The following PCGF3 variants were observed in gnomAD, a reference collection of about 807,000 sequenced individuals.
The protein encoded by PCGF3 is polycomb group RING finger protein 3.
A neutral mutation model predicts 33.1 loss-of-function variants in PCGF3; 7 were observed. That is an observed-to-expected ratio of 0.21 (90% CI 0.12 to 0.40). The LOEUF (loss-of-function observed/expected upper bound fraction) is 0.40, where lower values mean the gene tolerates loss of function less well. PCGF3 is among the 10% of genes least tolerant of loss of function. PCGF3 has a pLI of 1.00. For missense variants in PCGF3, 211 were observed against 313.3 expected, an observed-to-expected ratio of 0.67 and a Z score of 2.46; for synonymous variants, 153 against 121.3, an observed-to-expected ratio of 1.26 and a Z score of -1.72.
Position 737,459 on chromosome 4 carries a change from T to C in PCGF3, c.207-7T>C. 6.3e-7 allele frequency: 1 copy of C among 1,598,680 alleles called. No individual in the cohort carries two copies. Among genetic ancestry groups the C allele is most frequent in the Non-Finnish European group, 8.6e-7 (1 of 1,166,188 alleles). On this transcript the variant is annotated splice_region_variant and splice_polypyrimidine_tract_variant and intron_variant, in intron 5 of 10. Transcript: ENST00000362003. ...CAGCTAACTCCACCTTTCTGTTCTT[T>C]TGCCAGTCATGACAGAACCATGCAA...
intron 1 of PCGF3, among the ~76,000 whole-genome samples, chr4:715,237 T>A (rs1328744148): frequency 7.5e-6 from 1 of 132,516 alleles, no homozygotes; most frequent in Non-Finnish European, 1.6e-5. Context: ...CTGTAGACAC[T>A]GAGTGTGAGA....
intron 1 of PCGF3, among the ~76,000 whole-genome samples, chr4:708,624 A>G (rs1742435168): frequency 6.6e-6 from 1 of 151,866 alleles, no homozygotes; most frequent in Non-Finnish European, 1.5e-5. Flanking sequence ...GCACCCTCCC[A>G]CTCAGCCCCT....
intron 8 of PCGF3, among the ~76,000 whole-genome samples, chr4:756,331 G>A (rs1033124750): frequency 4.6e-5 from 7 of 151,094 alleles, no homozygotes; most frequent in Admixed American, 3.3e-4. Flanking sequence ...TCCCACCTCC[G>A]CCTCCTGAGT....
chr4:733,669 T>C lies in PCGF3; in HGVS notation c.-9-3T>C, dbSNP rs749974414. 9.4e-6 allele frequency: 15 copies of C among 1,598,280 alleles called. No homozygotes were observed. Among genetic ancestry groups the C allele is most frequent in the Admixed American group, 6.8e-5 (4 of 59,206 alleles). On this transcript the variant is annotated splice_region_variant and splice_polypyrimidine_tract_variant and intron_variant, in intron 3 of 10. Coordinates refer to ENST00000362003, the Ensembl canonical transcript of PCGF3. ...TGTTAATTAATCGCGTTTTCTCTTG[T>C]AGAAGCCAAAGATGTTGACCAGGAA... is the stretch of plus-strand genomic sequence containing the variant.
At chr4:717,728 A>G (rs572648651) in intron 1 of PCGF3, among the ~76,000 whole-genome samples, 100 of 152,370 alleles carry the variant, frequency 6.6e-4, no homozygotes, top group Non-Finnish European at 7.2e-4. Flanking sequence ...CTGAGATGAC[A>G]TTGAGAAGAG....
intron 1 of PCGF3, among the ~76,000 whole-genome samples, chr4:716,596 T>TGC (rs1471582510): frequency 7.6e-4 from 95 of 124,664 alleles, no homozygotes; most frequent in South Asian, 1.5e-3. Context: ...CTGTAGACAC[T>TGC]GAGTGTGAGA....
chr4:767,178 G>A (rs1317345557), exon 11 of PCGF3: 1 of 152,224 alleles, frequency 6.6e-6, no homozygotes, highest in Non-Finnish European at 1.5e-5. Flanking sequence ...GGGCTAGGAG[G>A]GAAGCCGGCC....
chr4:734,026 G>A (rs1271142219), intron 4 of PCGF3: 29 of 1,550,802 alleles, frequency 1.9e-5, no homozygotes, highest in Non-Finnish European at 2.5e-5. Flanking sequence ...ACACAGGAGA[G>A]ACCCCACATT....
rs779633448 is a variant in PCGF3 at position 761,275 on chromosome 4, G to A, written c.463-4G>A. On this transcript the variant is annotated splice_region_variant and splice_polypyrimidine_tract_variant and intron_variant, in intron 8 of 10. Transcript: ENST00000362003. ...TGCGCTCTCACCAGCGTCCTTTCCC[G>A]CAGGTGAGCATCTGCCTGGAGTGTA... is the stretch of plus-strand genomic sequence containing the variant. 7.6e-6 allele frequency: 12 copies of A among 1,577,592 alleles called. No homozygotes were observed. The highest frequency in any genetic ancestry group is 4.1e-5 in the African/African-American group (3 of 73,722).
At position 715,266 on chromosome 4, in the gene PCGF3, G is replaced by A. The variant is rs189604065; in HGVS notation, c.-190+9296G>A. On this transcript the variant is annotated intron_variant, in intron 1 of 10. Transcript: ENST00000362003. Reference sequence around the variant, plus strand: ...TGTGAGAACTGGGTGTCGGTGCTGGGACCCTGTAGACACTCAATGTGAGAA... The same window carrying A: ...TGTGAGAACTGGGTGTCGGTGCTGGAACCCTGTAGACACTCAATGTGAGAA... 2.6e-3 allele frequency among the ~76,000 whole-genome samples: 369 copies of A among 140,082 alleles called. 10 individuals carry two copies. The highest frequency in any genetic ancestry group is 9.4e-3 in the African/African-American group (349 of 37,084). The allele number at this position is 140,082 out of a possible 152,430, so 91.9% of individuals were successfully genotyped here.
intron 8 of PCGF3, among the ~76,000 whole-genome samples, chr4:751,034 C>G (rs1472755308): frequency 1.3e-5 from 2 of 149,480 alleles, no homozygotes; most frequent in African/African-American, 4.9e-5. Flanking sequence ...AACCCGTTGT[C>G]TTTGTTGTGA....
chr4:730,755 G>C (rs1394093504), intron 2 of PCGF3, 87 bp downstream of exon 2: 1 of 348,972 alleles, frequency 2.9e-6, no homozygotes, highest in Non-Finnish European at 5.1e-6. Context: ...GCATGTGGTC[G>C]GCGTTCCTTG....
intron 6 of PCGF3, among the ~76,000 whole-genome samples, chr4:740,421 C>G (rs2152585648): frequency 6.6e-6 from 1 of 152,292 alleles, no homozygotes; most frequent in African/African-American, 2.4e-5. Flanking sequence ...ATGTTTAAAA[C>G]ATTTATCAAA....
intron 8 of PCGF3, among the ~76,000 whole-genome samples, chr4:753,931 CCTT>C (rs760600321): frequency 2.0e-5 from 3 of 152,230 alleles, no homozygotes; most frequent in Non-Finnish European, 2.9e-5. Flanking sequence ...GAGACTCTGA[CCTT>C]CTACGAACCC....
intron 1 of PCGF3, among the ~76,000 whole-genome samples, chr4:729,000 T>C (rs1240884108): frequency 1.4e-5 from 2 of 147,014 alleles, no homozygotes; most frequent in Non-Finnish European, 3.0e-5. Context: ...CTCGTGAGGC[T>C]GAGGCACAAG....
rs150521271 is a variant in PCGF3 at position 761,624 on chromosome 4, G to GCTA, written c.600+211_600+213dup. 539 of 972,958 alleles carry GCTA rather than the reference G, an allele frequency of 5.5e-4. 7 individuals carry two copies. The East Asian group carries it at 0.032, about 58-fold the overall frequency. The allele number at this position is 972,958 out of a possible 1,614,324, so 60.3% of individuals were successfully genotyped here. On this transcript the variant is annotated intron_variant, in intron 9 of 10. Transcript: ENST00000362003. The stretch of plus-strand genomic sequence containing the variant: ...TGCCCAGAGACAGGGAACGTGGAAT[G>GCTA]CTACTGTGAGTGGAAGAGAGAACTA...
In PCGF3 at chr4:719,410, G is replaced by GTTGATGAGCT. The variant is rs1742985901; in HGVS notation, c.-189-11220_-189-11219insTTGATGAGCT. Among the ~76,000 whole-genome samples, 4 of 152,340 alleles carry GTTGATGAGCT rather than the reference G, an allele frequency of 2.6e-5. No homozygotes were observed. The South Asian group carries it at 8.3e-4, about 32-fold the overall frequency. Reference sequence around the variant, plus strand: ...CCGCACGAGGTTGATGAGAACCCTCGGTGCCTGGACTGTCTTCTCACCAGG... The same window carrying GTTGATGAGCT: ...CCGCACGAGGTTGATGAGAACCCTCGTTGATGAGCTGTGCCTGGACTGTCTTCTCACCAGG... On this transcript the variant is annotated intron_variant, in intron 1 of 10. Coordinates refer to ENST00000362003, the Ensembl canonical transcript of PCGF3.
chr4:724,650 C>A (rs970588144), intron 1 of PCGF3, among the ~76,000 whole-genome samples: 4 of 152,090 alleles, frequency 2.6e-5, no homozygotes, highest in African/African-American at 9.7e-5. Context: ...GTGGTGAAAC[C>A]CCCGTCTCTA....
At chr4:759,933 ACTCCGGG>A (rs953642318) in intron 8 of PCGF3, among the ~76,000 whole-genome samples, 2 of 143,132 alleles carry the variant, frequency 1.4e-5, no homozygotes, top group Non-Finnish European at 3.0e-5. Flanking sequence ...CTCCTTCCGG[ACTCCGGG>A]TCTTTCTCCC....
Sources: gnomAD v4.1 joint callset for allele counts (sites outside exome capture counted in the v4.1 genomes callset) on GRCh38, gnomAD v4.1.1 for gene constraint, MANE v1.5 for transcripts, NCBI Gene and HGNC (gene_info 2026-07-23, HGNC 2026-07-21) for gene names.